Variants in ATG2B observed in about 807,000 individuals in gnomAD.
ATG2B encodes the protein autophagy-related protein 2 homolog B.
A neutral mutation model predicts 241.3 loss-of-function variants in ATG2B; 121 were observed. The ratio of observed to expected loss-of-function variants is 0.50; its 90% CI spans 0.43 to 0.58. ATG2B has a LOEUF of 0.58. ATG2B is among the 20% of genes least tolerant of loss of function. ATG2B has a pLI of 0.00. For synonymous variants in ATG2B, 858 were observed against 876.6 expected (o/e 0.98, Z 0.37); for missense variants, 2,306 against 2,491.6 (o/e 0.93, Z 1.59).
At chr14:96,334,312 T>TA in intron 7 of ATG2B, 93 bp downstream of exon 7, 2 of 757,798 alleles carry the variant, frequency 2.6e-6, no homozygotes, top group Non-Finnish European at 4.2e-6. Flanking sequence ...TCAAAAATAA[T>TA]AGACTTTCCT....
At position 96,292,038 on chromosome 14, in the gene ATG2B, T is replaced by C. The variant is rs749500869; in HGVS notation, c.5487A>G (p.Ser1829=). The C allele has an allele frequency of 6.3e-7, 1 of 1,595,838 alleles. No individual in the cohort carries two copies. The highest frequency in any genetic ancestry group is 8.5e-7 in the Non-Finnish European group (1 of 1,170,302). Residue 1829 remains serine, a synonymous_variant, in exon 37 of 42, where the codon TCA becomes TCG. Coordinates refer to ENST00000359933, the MANE Select transcript of ATG2B (RefSeq NM_018036.7). ...TGTAGAGTTTCCCAACCTGATCCAT[T>C]GATACATGTTTGCCATGATAATCAA... The part of the protein sequence containing the change: ...IRLDYHGKHV[S]MDQGTLAGIL...
At chr14:96,310,368 A>G (rs1236106195) in intron 28 of ATG2B, among the ~76,000 whole-genome samples, 3 of 152,186 alleles carry the variant, frequency 2.0e-5, no homozygotes, top group Non-Finnish European at 4.4e-5. Flanking sequence ...GGCCTTTACT[A>G]GAGTACATAA....
At chr14:96,306,553 G>A (rs1886953760) in intron 30 of ATG2B, among the ~76,000 whole-genome samples, 161 bp downstream of exon 30, 1 of 150,926 alleles carries the variant, frequency 6.6e-6, no homozygotes, top group Non-Finnish European at 1.5e-5. Flanking sequence ...CACAGAAATA[G>A]TACAGTAACC....
intron 7 of ATG2B, among the ~76,000 whole-genome samples, chr14:96,334,156 C>A (rs1270249223): frequency 6.6e-6 from 1 of 152,076 alleles, no homozygotes; most frequent in Non-Finnish European, 1.5e-5. Context: ...GTACTATCCC[C>A]AACCAAAGAA....
intron 1 of ATG2B, among the ~76,000 whole-genome samples, chr14:96,352,791 T>A (rs55845285): frequency 6.6e-6 from 1 of 150,960 alleles, no homozygotes; most frequent in South Asian, 2.1e-4. Flanking sequence ...AACTTATTAT[T>A]GAAAAAAAAA....
intron 34 of ATG2B, among the ~76,000 whole-genome samples, chr14:96,301,343 G>A (rs1705261358): frequency 2.0e-5 from 3 of 152,054 alleles, no homozygotes; most frequent in African/African-American, 7.3e-5. Context: ...TGGAACCCAG[G>A]TCTGACTCCA....
Position 96,305,696 on chromosome 14 carries a change from G to A in ATG2B, c.4626C>T (p.Pro1542=), listed in dbSNP as rs1314699057. 3.7e-6 allele frequency: 6 copies of A among 1,614,168 alleles called. No individual in the cohort carries two copies. Among genetic ancestry groups the A allele is most frequent in the Non-Finnish European group, 4.2e-6 (5 of 1,180,008 alleles). ...TDTSKAPLHF[P]IPVIRYVVKE... is the part of the protein sequence containing the mutation. ...TCACCACATAGCGAATCACAGGAAT[G>A]GGAAAGTGTAAGGGGGCTTTGCTCG... The change falls in exon 31 of 42, where the codon CCC becomes CCT. Residue 1542 remains proline, a synonymous_variant. Transcript: ENST00000359933.
intron 18 of ATG2B, among the ~76,000 whole-genome samples, chr14:96,318,797 G>A (rs758122092): frequency 6.6e-6 from 1 of 152,092 alleles, no homozygotes; most frequent in African/African-American, 2.4e-5. Flanking sequence ...ACTTCACCAC[G>A]TCTTCTAGTA....
At chr14:96,349,968 C>A (rs1888270904) in intron 1 of ATG2B, among the ~76,000 whole-genome samples, 2 of 152,016 alleles carry the variant, frequency 1.3e-5, no homozygotes, top group Admixed American at 6.6e-5. Context: ...CCAGCCTGGG[C>A]AACACATCAA....
In ATG2B at chr14:96,290,844, C is replaced by A; in HGVS notation, c.5671G>T (p.Val1891Phe). 2 of 1,613,910 alleles carry A rather than the reference C, an allele frequency of 1.2e-6. No homozygotes were observed. The highest frequency in any genetic ancestry group is 1.7e-6 in the Non-Finnish European group (2 of 1,179,930). Residue 1891 changes from valine to phenylalanine, a missense_variant, in exon 39 of 42, where the codon GTT becomes TTT. By Grantham distance (50) the Val-to-Phe change is conservative (BLOSUM62 -1). This residue lies in a region of ATG2B where 379 missense variants were observed against 480.4 expected (regional missense o/e 0.79). Coordinates refer to ENST00000359933, the MANE Select transcript of ATG2B (RefSeq NM_018036.7). The surrounding 1 kb of genome is among the most constrained non-coding windows in gnomAD (Gnocchi z 4.4). ...TGTACTAGTGAATGCATAGGTCCAACACCTCCCAGGATTCCTGGTAGCTGG... is the reference window on the plus strand; with the variant it reads ...TGTACTAGTGAATGCATAGGTCCAAAACCTCCCAGGATTCCTGGTAGCTGG... ...KNQLPGILGGVGPMHSLVQLV... is the reference protein window; with the variant it reads ...KNQLPGILGGFGPMHSLVQLV...
intron 11 of ATG2B, among the ~76,000 whole-genome samples, chr14:96,330,878 T>G (rs539338239): frequency 9.2e-5 from 14 of 152,378 alleles, no homozygotes; most frequent in African/African-American, 3.4e-4. Flanking sequence ...TGGATAGCTT[T>G]GATTTTTCTT....
At chr14:96,311,022 GTTTCT>G in intron 28 of ATG2B, 90 bp downstream of exon 28, 1 of 1,160,286 alleles carries the variant, frequency 8.6e-7, no homozygotes, top group Non-Finnish European at 1.2e-6. Flanking sequence ...GACTTTCAAA[GTTTCT>G]TTTCTACCTT....
intron 41 of ATG2B, among the ~76,000 whole-genome samples, chr14:96,288,806 A>AC (rs1566712125): frequency 7.9e-6 from 1 of 126,784 alleles, no homozygotes; most frequent in East Asian, 2.1e-4. Flanking sequence ...GACAACACCC[A>AC]GAAAAAAAAA....
At chr14:96,340,679 G>A (rs543408652) in intron 6 of ATG2B, among the ~76,000 whole-genome samples, 99 of 152,248 alleles carry the variant, frequency 6.5e-4, no homozygotes, top group African/African-American at 2.4e-3. Context: ...TTGGGAGGCT[G>A]AGCAAGAAGG....
chr14:96,312,149 C>A lies in ATG2B; in HGVS notation c.3853G>T (p.Asp1285Tyr), dbSNP rs1438547323. The A allele has an allele frequency of 1.3e-6, 2 of 1,599,648 alleles. No homozygotes were observed. Residue 1285 changes from aspartate (D) to tyrosine (Y), a missense_variant, in exon 26 of 42, where the codon GAT (aspartate) becomes TAT (tyrosine). Transcript: ENST00000359933. ...KSSSTLRIIL[D>Y]EAALHLSDKC... ...TCAGATAGATGTAAAGCAGCTTCATCCAAGATTATTCTGAGGCAAGAAAGA... is the reference window on the plus strand; with the variant it reads ...TCAGATAGATGTAAAGCAGCTTCATACAAGATTATTCTGAGGCAAGAAAGA...
chr14:96,314,146 T>C (rs567285116), intron 23 of ATG2B, among the ~76,000 whole-genome samples: 2 of 152,318 alleles, frequency 1.3e-5, no homozygotes, highest in African/African-American at 4.8e-5. Context: ...TCCTACCAGA[T>C]AGAAAGTCAG....
intron 6 of ATG2B, among the ~76,000 whole-genome samples, chr14:96,340,243 A>G (rs1887997907): frequency 7.1e-6 from 1 of 140,544 alleles, no homozygotes; most frequent in South Asian, 2.2e-4. Flanking sequence ...GTATTTATAT[A>G]TATGGACTCA....
chr14:96,338,435 C>A (rs1003734833), intron 6 of ATG2B, among the ~76,000 whole-genome samples: 2 of 152,066 alleles, frequency 1.3e-5, no homozygotes, highest in South Asian at 4.2e-4. Context: ...TTATATATGT[C>A]TTTTATTACA....
intron 28 of ATG2B, among the ~76,000 whole-genome samples, chr14:96,309,828 T>TGGGG (rs1193549216): frequency 6.6e-6 from 1 of 152,154 alleles, no homozygotes; most frequent in Non-Finnish European, 1.5e-5. Context: ...CACAGTGAAC[T>TGGGG]GGGATCTTGA....
Sources: allele counts gnomAD v4.1 joint callset (sites outside exome capture counted in the v4.1 genomes callset), GRCh38; gene constraint gnomAD v4.1.1; regional missense constraint gnomAD v4.1.1; non-coding constraint Gnocchi (gnomAD v3.1); transcripts MANE v1.5; gene names NCBI Gene and HGNC (gene_info 2026-07-23, HGNC 2026-07-21).